The following SMARCA2 variants were observed in gnomAD, a reference collection of about 807,000 sequenced individuals.
The protein encoded by SMARCA2 is SWI/SNF related BAF chromatin remodeling complex subunit ATPase 2, also known as SWI/SNF-related matrix-associated actin-dependent regulator of chromatin subfamily A member 2.
In SMARCA2, 61 loss-of-function variants were observed where a neutral mutation model predicts 199.8. The ratio of observed to expected loss-of-function variants is 0.31; its 90% CI spans 0.25 to 0.38. SMARCA2 has a LOEUF of 0.38. SMARCA2 is among the 10% of genes least tolerant of loss of function. The pLI is 1.00. For synonymous variants in SMARCA2, 935 were observed against 732.0 expected, an observed-to-expected ratio of 1.28 and a Z score of -4.48; for missense variants, 1,344 against 2,012.2, an observed-to-expected ratio of 0.67 and a Z score of 6.35.
At position 2,024,827 on chromosome 9, in the gene SMARCA2, C is replaced by T. The variant is rs147569584; in HGVS notation, c.-36-4160C>T. ...TGTTACTTTGGGCAAGCCATGTTTTCCCCTTCTGCCTTATTGCCCTCATCT... is the reference window on the plus strand; with the variant it reads ...TGTTACTTTGGGCAAGCCATGTTTTTCCCTTCTGCCTTATTGCCCTCATCT... On this transcript the variant is annotated intron_variant, in intron 1 of 33. Transcript: ENST00000349721. 4.6e-5 allele frequency among the ~76,000 whole-genome samples: 7 copies of T among 152,314 alleles called. No homozygotes were observed. In the East Asian group the frequency reaches 1.3e-3, roughly 29 times the overall value.
chr9:2,192,590 G>A (rs537194479), intron 33 of SMARCA2, 114 bp from the exon 34 acceptor site: 6 of 783,974 alleles, frequency 7.7e-6, no homozygotes, highest in South Asian at 5.5e-5. Flanking sequence ...GAGATTTGGC[G>A]AGTTGTTTCC....
chr9:2,108,227 C>T lies in SMARCA2; in HGVS notation c.3293-2027C>T, dbSNP rs529135428. ...CGGGTTTGAACTGGACAGAGCTGGC[C>T]AAAGTTCCTGAAAAACAACTGAAGT... On this transcript the variant is annotated intron_variant, in intron 23 of 33. Coordinates refer to ENST00000349721, the MANE Select transcript of SMARCA2 (RefSeq NM_003070.5). Among the ~76,000 whole-genome samples the T allele has an allele frequency of 2.6e-5, 4 of 152,222 alleles. No homozygotes were observed. The South Asian group carries it at 8.3e-4, about 32-fold the overall frequency.
Position 2,192,734 on chromosome 9 carries a change from G to A in SMARCA2, c.4768G>A (p.Glu1590Lys). 1 of 1,608,858 alleles carries A rather than the reference G, an allele frequency of 6.2e-7. No individual in the cohort carries two copies. The highest frequency in any genetic ancestry group is 1.1e-5 in the South Asian group (1 of 90,982). ...EQSEGSGTDD[E>K] Reference sequence around the variant, plus strand: ...GTCAGAAGGAAGTGGGACGGATGATGAGTGATCAGTATGGACCTTTTTCCT... The same window carrying A: ...GTCAGAAGGAAGTGGGACGGATGATAAGTGATCAGTATGGACCTTTTTCCT... Residue 1590 changes from glutamate (E) to lysine (K), a missense_variant, in exon 34 of 34, where the codon GAG becomes AAG. Around this residue, in one of 18 missense-constraint regions of SMARCA2, gnomAD observed 155 missense variants for 121.1 expected, o/e 1.28. Transcript: ENST00000349721.
intron 1 of SMARCA2, among the ~76,000 whole-genome samples, chr9:2,026,386 C>T (rs1818831450): frequency 6.6e-6 from 1 of 152,114 alleles, no homozygotes; most frequent in African/African-American, 2.4e-5. Context: ...ACTTCCCTTC[C>T]AACATGTTTT....
At position 2,192,764 on chromosome 9, in the gene SMARCA2, A is replaced by G. The variant is rs761766784; in HGVS notation, c.*25A>G. 2 of 1,568,164 alleles carry G rather than the reference A, an allele frequency of 1.3e-6. No individual in the cohort carries two copies. The highest frequency in any genetic ancestry group is 1.8e-6 in the Non-Finnish European group (2 of 1,138,234). ...ATCAGTATGGACCTTTTTCCTTGGT[A>G]GAACTGAATTCCTTCCTCCCCTGTC... On this transcript the variant is annotated 3_prime_UTR_variant, in exon 34 of 34. Coordinates refer to ENST00000349721, the MANE Select transcript of SMARCA2 (RefSeq NM_003070.5).
In SMARCA2 at chr9:2,097,441, C is replaced by T; in HGVS notation, c.3048C>T (p.Cys1016=). The T allele has an allele frequency of 6.2e-7, 1 of 1,611,052 alleles. No individual in the cohort carries two copies. Among genetic ancestry groups the T allele is most frequent in the Non-Finnish European group, 8.5e-7 (1 of 1,177,722 alleles). ...CTATTATGCAGTTGAGAAAAATCTG[C>T]AACCACCCATATATGTTTCAGCACA... The part of the protein sequence containing the change: ...MNTIMQLRKI[C]NHPYMFQHIE... Residue 1016 remains cysteine (C), a synonymous_variant, in exon 21 of 34, where the codon TGC becomes TGT. Coordinates refer to ENST00000349721, the MANE Select transcript of SMARCA2 (RefSeq NM_003070.5).
At chr9:2,048,152 A>G (rs1307403572) in intron 5 of SMARCA2, among the ~76,000 whole-genome samples, 1 of 152,168 alleles carries the variant, frequency 6.6e-6, no homozygotes, top group Non-Finnish European at 1.5e-5. Flanking sequence ...CCTTTCGGTA[A>G]ACTTTACAAA....
Position 2,039,593 on chromosome 9 carries a change from G to T in SMARCA2, c.483G>T (p.Pro161=), listed in dbSNP as rs146359524. Residue 161 remains proline, a synonymous_variant, in exon 4 of 34, where the codon CCG becomes CCT. Coordinates refer to ENST00000349721, the MANE Select transcript of SMARCA2 (RefSeq NM_003070.5). The surrounding 1 kb of genome is among the most constrained non-coding windows in gnomAD (Gnocchi z 4.8). Reference sequence around the variant, plus strand: ...CGGGGGCCCTCATCCCAGGTGATCCGCAGGCCATGAGCCAGCCCAACAGAG... The same window carrying T: ...CGGGGGCCCTCATCCCAGGTGATCCTCAGGCCATGAGCCAGCCCAACAGAG... ...SQPGALIPGD[P]QAMSQPNRGP... 5.1e-3 allele frequency: 8,211 copies of T among 1,614,128 alleles called. 36 individuals are homozygous for T. Among genetic ancestry groups the T allele is most frequent in the Middle Eastern group, 0.016 (95 of 6,062 alleles).
rs757380188 is a variant in SMARCA2, at chr9:2,070,446, A to T, written c.1721A>T (p.Glu574Val). The T allele has an allele frequency of 6.2e-7, 1 of 1,613,890 alleles. No individual in the cohort carries two copies. The highest frequency in any genetic ancestry group is 8.5e-7 in the Non-Finnish European group (1 of 1,179,830). The change falls in exon 10 of 34, where the codon GAG becomes GTG. Residue 574 changes from glutamate (E) to valine (V), a missense_variant. Glu to Val is a moderately radical substitution (Grantham distance 121, BLOSUM62 -2). Transcript: ENST00000349721. ...GCTGAGGAGAATGCAGAGGGTGGGG[A>T]GTCTGCCCTGGGACCGGATGGAGAG... ...KKAEENAEGG[E>V]SALGPDGEPI... is the part of the protein sequence containing the mutation.
intron 14 of SMARCA2, chr9:2,080,039 A>G (rs1821498906): frequency 6.6e-6 from 1 of 152,244 alleles, no homozygotes. Flanking sequence ...TTGACTAGCC[A>G]TGTCCGCCTG....
intron 28 of SMARCA2, among the ~76,000 whole-genome samples, chr9:2,167,681 A>T (rs1344996040): frequency 2.6e-5 from 4 of 152,222 alleles, no homozygotes; most frequent in Non-Finnish European, 5.9e-5. Context: ...TATCTCTGGG[A>T]ATTGTGGTAA....
intron 31 of SMARCA2, among the ~76,000 whole-genome samples, chr9:2,183,115 G>T (rs914988693): frequency 6.6e-6 from 1 of 152,188 alleles, no homozygotes; most frequent in Non-Finnish European, 1.5e-5. Flanking sequence ...CTAATTAGAG[G>T]AGGGATTCAA....
chr9:2,176,182 G>GTTTTTTTTTTTTTTGTTTTGTT (rs1554642562), intron 29 of SMARCA2, among the ~76,000 whole-genome samples: 1 of 104,160 alleles, frequency 9.6e-6, no homozygotes, highest in African/African-American at 3.7e-5. Flanking sequence ...CGCCCGGCCT[G>GTTTTTTTTTTTTTTGTTTTGTT]TTTTTTTTTT....
intron 18 of SMARCA2, among the ~76,000 whole-genome samples, chr9:2,087,699 A>G (rs1277699853): frequency 6.6e-6 from 1 of 152,188 alleles, no homozygotes; most frequent in Non-Finnish European, 1.5e-5. Context: ...GGCCATTGCA[A>G]GAAAAGAAAT....
chr9:2,133,349 C>T (rs1348508485), intron 27 of SMARCA2, among the ~76,000 whole-genome samples: 1 of 152,110 alleles, frequency 6.6e-6, no homozygotes, highest in East Asian at 1.9e-4. Context: ...CTCTGTCACC[C>T]AGGCTTACTG....
chr9:2,072,859 G>A (rs1443733832), intron 10 of SMARCA2, among the ~76,000 whole-genome samples: 1 of 152,216 alleles, frequency 6.6e-6, no homozygotes, highest in Non-Finnish European at 1.5e-5. Context: ...AAGTTTGACA[G>A]AGCCATTACC....
intron 24 of SMARCA2, among the ~76,000 whole-genome samples, chr9:2,111,477 G>A (rs1822996522): frequency 7.6e-6 from 1 of 131,514 alleles, no homozygotes; most frequent in South Asian, 2.4e-4. Context: ...GGGCGACAAA[G>A]CAAGACCGTG....
chr9:2,076,274 C>T lies in SMARCA2; in HGVS notation c.1981C>T (p.Leu661Phe). ...SSRQETEEKI[L>F]LDPNSEEVSE... ...TAGGCAGGAAACCGAAGAGAAAATACTCCTGGATCCAAATAGCGAAGAAGT... is the reference window on the plus strand; with the variant it reads ...TAGGCAGGAAACCGAAGAGAAAATATTCCTGGATCCAAATAGCGAAGAAGT... Residue 661 changes from leucine (L) to phenylalanine (F), a missense_variant, in exon 13 of 34, where the codon CTC (leucine) becomes TTC (phenylalanine). Physicochemically the swap from Leu to Phe is conservative, Grantham distance 22 (BLOSUM62 0). Coordinates refer to ENST00000349721, the MANE Select transcript of SMARCA2 (RefSeq NM_003070.5). 6.2e-7 allele frequency: 1 copy of T among 1,612,916 alleles called. No individual in the cohort carries two copies. The highest frequency in any genetic ancestry group is 8.5e-7 in the Non-Finnish European group (1 of 1,178,900).
chr9:2,188,849 TC>T (rs1315886832), intron 32 of SMARCA2, among the ~76,000 whole-genome samples: 49 of 152,316 alleles, frequency 3.2e-4, no homozygotes, highest in Non-Finnish European at 1.5e-5. Flanking sequence ...TTTCTTGTGT[TC>T]GTAGAAACAA....
Sources: allele counts gnomAD v4.1 joint callset (sites outside exome capture counted in the v4.1 genomes callset), GRCh38; gene constraint gnomAD v4.1.1; regional missense constraint gnomAD v4.1.1; non-coding constraint Gnocchi (gnomAD v3.1); transcripts MANE v1.5; gene names NCBI Gene and HGNC (gene_info 2026-07-23, HGNC 2026-07-21).